The following SCAF4 variants were observed in gnomAD, a reference collection of about 807,000 sequenced individuals.
SCAF4 encodes SR-related and CTD-associated factor 4.
SCAF4 carries 25 observed loss-of-function variants against 129.8 expected under a neutral mutation model. That is an observed-to-expected ratio of 0.19 (90% CI 0.14 to 0.27). The LOEUF is 0.27. Among genes scored for constraint, SCAF4 ranks in the 10% least tolerant of loss-of-function variants. The pLI is 1.00. For missense variants in SCAF4, 1,246 were observed against 1,457.1 expected (o/e 0.86, Z 2.36); for synonymous variants, 551 against 497.7 (o/e 1.11, Z -1.43).
rs570027838 is a variant in SCAF4 at position 31,710,481 on chromosome 21, G to A, written c.31-4124C>T. Reference sequence around the variant, plus strand: ...TGAGAATCTCTTGAACTCAGGAGGCGAAGGTTGCAGTGAGCCGAGATGGTG... The same window carrying A: ...TGAGAATCTCTTGAACTCAGGAGGCAAAGGTTGCAGTGAGCCGAGATGGTG... On this transcript the variant is annotated intron_variant, in intron 1 of 19. Coordinates refer to ENST00000286835, the MANE Select transcript of SCAF4 (RefSeq NM_020706.2). 5.3e-4 allele frequency among the ~76,000 whole-genome samples: 80 copies of A among 152,284 alleles called. 1 individual carries two copies. The highest frequency in any genetic ancestry group is 1.0e-3 in the South Asian group (5 of 4,816).
In SCAF4 at chr21:31,671,784, T is replaced by C. The variant is rs758634576; in HGVS notation, c.3059A>G (p.Asn1020Ser). ...ACGGTTACTATTATCTCTATCATCA[T>C]TACGGTTCCCATACCGTTCCCGGTC... is the stretch of plus-strand genomic sequence containing the variant. ...ENDRERYGNR[N>S]DDRDNSNRDR... The change falls in exon 20 of 20, where the codon AAT (asparagine) becomes AGT (serine). Residue 1020 changes from asparagine to serine, a missense_variant. Physicochemically the swap from Asn to Ser is conservative, Grantham distance 46 (BLOSUM62 1). This residue lies in a region of SCAF4 where 339 missense variants were observed against 325.0 expected (regional missense o/e 1.04). Coordinates refer to ENST00000286835, the MANE Select transcript of SCAF4 (RefSeq NM_020706.2). The C allele has an allele frequency of 1.9e-6, 3 of 1,613,988 alleles. No individual in the cohort carries two copies. Among genetic ancestry groups the C allele is most frequent in the African/African-American group, 1.3e-5 (1 of 74,952 alleles).
intron 1 of SCAF4, among the ~76,000 whole-genome samples, chr21:31,728,701 T>G (rs2051270326): frequency 6.6e-6 from 1 of 152,126 alleles, no homozygotes; most frequent in Admixed American, 6.6e-5. Context: ...TAATTCCTTT[T>G]TCTCCCCCTT....
At chr21:31,726,659 T>C (rs541148977) in intron 1 of SCAF4, among the ~76,000 whole-genome samples, 1 of 152,206 alleles carries the variant, frequency 6.6e-6, no homozygotes, top group South Asian at 2.1e-4. Flanking sequence ...AGCCAGACCC[T>C]GTCTCAAAAA....
rs1478602127 is a variant in SCAF4, at chr21:31,720,476, G to C, written c.30+11187C>G. Among the ~76,000 whole-genome samples, 11 of 152,260 alleles carry C rather than the reference G, an allele frequency of 7.2e-5. No homozygotes were observed. The South Asian group carries it at 2.3e-3, about 32-fold the overall frequency. On this transcript the variant is annotated intron_variant, in intron 1 of 19. Coordinates refer to ENST00000286835, the MANE Select transcript of SCAF4 (RefSeq NM_020706.2). ...GCTACCATGCTTCAGACGTATAAAAGCTGTTCACTGAGTCTTCTCCCCACA... is the reference window on the plus strand; with the variant it reads ...GCTACCATGCTTCAGACGTATAAAACCTGTTCACTGAGTCTTCTCCCCACA...
Position 31,731,913 on chromosome 21 carries a change from G to C in SCAF4, c.-221C>G. On this transcript the variant is annotated 5_prime_UTR_variant, in exon 1 of 20. In the 5' UTR this introduces an upstream ATG that the reference lacks. Coordinates refer to ENST00000286835, the MANE Select transcript of SCAF4 (RefSeq NM_020706.2). ...GGCCCCCTCTCAGTCCCGTTCGCAGGATGAGGAAAAGGAGGCGGCGGCAGC... is the reference window on the plus strand; with the variant it reads ...GGCCCCCTCTCAGTCCCGTTCGCAGCATGAGGAAAAGGAGGCGGCGGCAGC... The C allele has an allele frequency of 2.0e-6, 1 of 494,156 alleles. No homozygotes were observed. Among genetic ancestry groups the C allele is most frequent in the Non-Finnish European group, 3.5e-6 (1 of 285,536 alleles). 30.6% of individuals were successfully genotyped at this position (494,156 alleles called of 1,614,324 possible). A position where few individuals can be genotyped will look rare whatever the true frequency, so the allele number is the denominator to read the frequency against.
In SCAF4 at chr21:31,702,353, A is replaced by C. The variant is rs77399251; in HGVS notation, c.348T>G (p.Leu116=). Residue 116 remains leucine (L), a synonymous_variant, in exon 5 of 20, where the codon CTT becomes CTG. Transcript: ENST00000286835. The part of the protein sequence containing the change: ...DKSKIVRVLN[L]WQKNGVFKIE... Reference sequence around the variant, plus strand: ...TTTTGAACACTCCATTTTTTTGCCAAAGGTTCAGCACACGAACTATTTTAC... The same window carrying C: ...TTTTGAACACTCCATTTTTTTGCCACAGGTTCAGCACACGAACTATTTTAC... 10,946 of 1,613,922 alleles carry C rather than the reference A, an allele frequency of 6.8e-3. 649 individuals carry two copies. The African/African-American group carries it at 0.13, about 19-fold the overall frequency.
intron 7 of SCAF4, 115 bp from the exon 8 acceptor site, chr21:31,696,865 A>C: frequency 1.1e-6 from 1 of 894,382 alleles, no homozygotes; most frequent in South Asian, 1.8e-5. Context: ...TGTCAAGCAC[A>C]ATCTTATTTT....
At chr21:31,691,066 T>C (rs1233768364) in intron 14 of SCAF4, 113 bp from the exon 15 acceptor site, 8 of 758,848 alleles carry the variant, frequency 1.1e-5, no homozygotes, top group African/African-American at 1.8e-5. Context: ...GGGAGCAATC[T>C]GGACCAGCTA....
At chr21:31,728,749 T>G (rs545520946) in intron 1 of SCAF4, among the ~76,000 whole-genome samples, 53 of 152,290 alleles carry the variant, frequency 3.5e-4, no homozygotes, top group African/African-American at 1.2e-3. Flanking sequence ...AACTCCTGGA[T>G]GTCTCCCTCT....
At chr21:31,677,452 G>A (rs1043024731) in intron 19 of SCAF4, among the ~76,000 whole-genome samples, 4 of 152,122 alleles carry the variant, frequency 2.6e-5, no homozygotes, top group African/African-American at 9.7e-5. Context: ...AATCTCCTGA[G>A]ATGTTCAAAA....
rs753504224 is a variant in SCAF4, at chr21:31,696,683, G to T, written c.845C>A (p.Thr282Asn). Residue 282 changes from threonine (T) to asparagine (N), a missense_variant, in exon 8 of 20, where the codon ACC becomes AAC. This residue lies in a region of SCAF4 where 236 missense variants were observed against 210.0 expected (regional missense o/e 1.12). Coordinates refer to ENST00000286835, the MANE Select transcript of SCAF4 (RefSeq NM_020706.2). ...EAVEESKKED[T>N]TAVTTTAPAA... ...AGGTGCTGTCGTGGTGACGGCAGTG[G>T]TATCCTCTTTCTTTGATTCTTCCAC... 14 of 1,613,806 alleles carry T rather than the reference G, an allele frequency of 8.7e-6. No homozygotes were observed. The highest frequency in any genetic ancestry group is 8.0e-5 in the African/African-American group (6 of 74,924).
At chr21:31,708,735 A>AACC (rs771695540) in intron 1 of SCAF4, among the ~76,000 whole-genome samples, 35 of 152,296 alleles carry the variant, frequency 2.3e-4, no homozygotes, top group Non-Finnish European at 4.1e-4. Flanking sequence ...AGAAACTAGA[A>AACC]ACCCTCCCTT....
intron 15 of SCAF4, among the ~76,000 whole-genome samples, chr21:31,690,314 G>C (rs1306139071): frequency 6.6e-6 from 1 of 151,308 alleles, no homozygotes; most frequent in Admixed American, 6.6e-5. Flanking sequence ...GTGAAACCCC[G>C]TGTCTATTGA....
intron 1 of SCAF4, among the ~76,000 whole-genome samples, chr21:31,715,062 C>T (rs764912337): frequency 6.6e-6 from 1 of 152,172 alleles, no homozygotes; most frequent in Non-Finnish European, 1.5e-5. Flanking sequence ...CACAAATTTA[C>T]TGGCTTAAAG....
chr21:31,688,491 G>C (rs2050183447), intron 15 of SCAF4, 27 bp from the exon 16 acceptor site: 11 of 1,577,000 alleles, frequency 7.0e-6, no homozygotes, highest in Non-Finnish European at 7.8e-6. Context: ...AATTTAACAA[G>C]AGTTTACCAT....
At chr21:31,684,029 G>T (rs924861980) in intron 19 of SCAF4, 4 of 153,540 alleles carry the variant, frequency 2.6e-5, no homozygotes, top group African/African-American at 9.6e-5. Context: ...TATAAATATA[G>T]TACATGCAAA....
chr21:31,688,236 A>G (rs2050176336), intron 16 of SCAF4, 71 bp downstream of exon 16: 3 of 1,486,054 alleles, frequency 2.0e-6, no homozygotes, highest in South Asian at 2.7e-5. Context: ...ATCCAGACAT[A>G]TATCTACAGT....
chr21:31,709,849 ATACT>A (rs1220619091), intron 1 of SCAF4, among the ~76,000 whole-genome samples: 1 of 142,154 alleles, frequency 7.0e-6, no homozygotes, highest in African/African-American at 2.7e-5. Context: ...TTTTGAGATG[ATACT>A]TAAAAAAAAA....
At chr21:31,691,736 C>A in intron 14 of SCAF4, 81 bp downstream of exon 14, 1 of 529,720 alleles carries the variant, frequency 1.9e-6, no homozygotes, top group South Asian at 4.5e-5. Flanking sequence ...TTCGAAGACC[C>A]AAATTAGTTT....
Sources: allele counts gnomAD v4.1 joint callset (sites outside exome capture counted in the v4.1 genomes callset), GRCh38; gene constraint gnomAD v4.1.1; regional missense constraint gnomAD v4.1.1; transcripts MANE v1.5; gene names NCBI Gene and HGNC (gene_info 2026-07-23, HGNC 2026-07-21).